The following EGLN1 variants were observed in gnomAD, a reference collection of about 807,000 sequenced individuals.
EGLN1 encodes egl nine homolog 1.
In EGLN1, 17 loss-of-function variants were observed where a neutral mutation model predicts 38.3. That is an observed-to-expected ratio of 0.44 (90% CI 0.30 to 0.67). The LOEUF is 0.67. Among genes scored for constraint, EGLN1 ranks in the 30% least tolerant of loss-of-function variants. The pLI is 0.08. For synonymous variants in EGLN1, 283 were observed against 257.5 expected (o/e 1.10, Z -0.95); for missense variants, 477 against 603.3 (o/e 0.79, Z 2.19).
intron 1 of EGLN1, among the ~76,000 whole-genome samples, chr1:231,383,631 A>G (rs1688126914): frequency 6.6e-6 from 1 of 152,150 alleles, no homozygotes. Flanking sequence ...AAATAGAAAA[A>G]CTGTTGGAAG....
chr1:231,404,122 T>C (rs1475077747), intron 1 of EGLN1, among the ~76,000 whole-genome samples: 6 of 152,114 alleles, frequency 3.9e-5, no homozygotes. Context: ...GTTTTGACTG[T>C]TAAAAATGTT....
rs200793131 is a variant in EGLN1, at chr1:231,420,981, C to T, written c.891+17G>A. On this transcript the variant is annotated intron_variant, in intron 1 of 4. Coordinates refer to ENST00000366641, the MANE Select transcript of EGLN1 (RefSeq NM_022051.3). ...CGAGAAGGGCCTGTCCAGCACAAACCCGCAGCACACACTTACTTTCGTCCG... is the reference window on the plus strand; with the variant it reads ...CGAGAAGGGCCTGTCCAGCACAAACTCGCAGCACACACTTACTTTCGTCCG... The T allele has an allele frequency of 2.5e-6, 4 of 1,613,942 alleles. No homozygotes were observed. In the Admixed American group the frequency reaches 5.0e-5, roughly 20 times the overall value.
At chr1:231,378,475 T>C (rs1285776749) in intron 1 of EGLN1, among the ~76,000 whole-genome samples, 3 of 152,200 alleles carry the variant, frequency 2.0e-5, no homozygotes, top group African/African-American at 7.2e-5. Context: ...TTTTTTACGT[T>C]TTCAGAGACA....
intron 1 of EGLN1, among the ~76,000 whole-genome samples, chr1:231,406,640 G>A (rs1688803692): frequency 6.6e-6 from 1 of 152,084 alleles, no homozygotes; most frequent in Non-Finnish European, 1.5e-5. Flanking sequence ...ACCATAACGT[G>A]ATATGAAATG....
chr1:231,383,417 A>T (rs911978120), intron 1 of EGLN1, among the ~76,000 whole-genome samples: 2 of 152,222 alleles, frequency 1.3e-5, no homozygotes, highest in Non-Finnish European at 2.9e-5. Context: ...ACAGAGTCTT[A>T]CTTACACAAA....
At chr1:231,409,781 TTGAG>T (rs1354070469) in intron 1 of EGLN1, among the ~76,000 whole-genome samples, 1 of 152,222 alleles carries the variant, frequency 6.6e-6, no homozygotes, top group Non-Finnish European at 1.5e-5. Context: ...TGATTATCTG[TTGAG>T]TATTTCTTTA....
In EGLN1 at chr1:231,421,601, T is replaced by C; in HGVS notation, c.288A>G (p.Ala96=). Residue 96 remains alanine, a synonymous_variant, in exon 1 of 5, where the codon GCA becomes GCG. Coordinates refer to ENST00000366641, the MANE Select transcript of EGLN1 (RefSeq NM_022051.3). This position sits in a 1 kb window ranked among gnomAD's most constrained non-coding sequence, Gnocchi z 5.5. The stretch of plus-strand genomic sequence containing the variant: ...CGGAGGCGTTGTCCCGGCGCGCCGC[T>C]GCCTTCCTGGGCTCCCGGGCCCCGG... ...PRAGAREPRK[A]AARRDNASGD... The C allele has an allele frequency of 7.5e-7, 1 of 1,328,270 alleles. No homozygotes were observed. Among genetic ancestry groups the C allele is most frequent in the South Asian group, 2.2e-5 (1 of 46,044 alleles). The allele number at this position is 1,328,270 out of a possible 1,614,324, so 82.3% of individuals were successfully genotyped here.
At chr1:231,390,781 C>T (rs1404417504) in intron 1 of EGLN1, among the ~76,000 whole-genome samples, 6 of 152,202 alleles carry the variant, frequency 3.9e-5, no homozygotes, top group Non-Finnish European at 1.5e-5. Context: ...CCTGTCCTTG[C>T]TCCACTACTT....
intron 1 of EGLN1, among the ~76,000 whole-genome samples, chr1:231,376,886 G>GC (rs1687972250): frequency 6.6e-6 from 1 of 152,150 alleles, no homozygotes; most frequent in Admixed American, 6.5e-5. Flanking sequence ...GCTGAACAAG[G>GC]CAGGAAAGAG....
At chr1:231,401,544 A>G (rs1688664356) in intron 1 of EGLN1, among the ~76,000 whole-genome samples, 1 of 151,926 alleles carries the variant, frequency 6.6e-6, no homozygotes, top group South Asian at 2.1e-4. Flanking sequence ...TTTGTGACAG[A>G]AAAAAATTAC....
chr1:231,417,410 T>C (rs1186477504), intron 1 of EGLN1, among the ~76,000 whole-genome samples: 1 of 152,214 alleles, frequency 6.6e-6, no homozygotes, highest in Non-Finnish European at 1.5e-5. Context: ...TTTTCCTTCA[T>C]AGTGGCGAAG....
intron 1 of EGLN1, among the ~76,000 whole-genome samples, chr1:231,374,318 A>T (rs1687902348): frequency 6.6e-6 from 1 of 152,180 alleles, no homozygotes; most frequent in Admixed American, 6.5e-5. Flanking sequence ...CTTCACAGTG[A>T]TAACTCCAAA....
intron 1 of EGLN1, chr1:231,420,255 CA>C (rs1656529418): frequency 6.6e-6 from 1 of 152,136 alleles, no homozygotes; most frequent in East Asian, 1.9e-4. Flanking sequence ...CAGGAAGTTA[CA>C]AAACAGTTTT....
At chr1:231,386,444 T>C (rs1188339306) in intron 1 of EGLN1, among the ~76,000 whole-genome samples, 1 of 152,240 alleles carries the variant, frequency 6.6e-6, no homozygotes, top group Non-Finnish European at 1.5e-5. Context: ...GATCCAGTCT[T>C]AGAAAATAAT....
chr1:231,385,936 A>G (rs1688193922), intron 1 of EGLN1, among the ~76,000 whole-genome samples: 1 of 152,042 alleles, frequency 6.6e-6, no homozygotes, highest in African/African-American at 2.4e-5. Context: ...ATGCAGCCTC[A>G]GCCTCCTGGG....
chr1:231,366,920 T>C (rs1029521740), intron 4 of EGLN1, among the ~76,000 whole-genome samples: 19 of 152,128 alleles, frequency 1.2e-4, no homozygotes, highest in Non-Finnish European at 1.9e-4. Context: ...TTTTTGGAGA[T>C]AGAAAGTAGA....
At chr1:231,398,856 G>A (rs570045228) in intron 1 of EGLN1, among the ~76,000 whole-genome samples, 2 of 152,158 alleles carry the variant, frequency 1.3e-5, no homozygotes, top group Non-Finnish European at 2.9e-5. Context: ...AGAGGAACCA[G>A]AAACAGACTC....
Position 231,421,672 on chromosome 1 carries a change from G to C in EGLN1, c.217C>G (p.Gln73Glu). 6.7e-7 allele frequency: 1 copy of C among 1,490,370 alleles called. No individual in the cohort carries two copies. The highest frequency in any genetic ancestry group is 8.9e-7 in the Non-Finnish European group (1 of 1,125,934). 92.3% of individuals were successfully genotyped at this position (1,490,370 alleles called of 1,614,324 possible). A position where few individuals can be genotyped will look rare whatever the true frequency, so the allele number is the denominator to read the frequency against. ...GALGHGVGPHQHSGPAPPAAV... is the reference protein window; with the variant it reads ...GALGHGVGPHEHSGPAPPAAV... ...GCCGGCGGCGCGGGGCCGGAATGCTGGTGTGGGCCCACTCCGTGGCCGAGG... is the reference window on the plus strand; with the variant it reads ...GCCGGCGGCGCGGGGCCGGAATGCTCGTGTGGGCCCACTCCGTGGCCGAGG... Residue 73 changes from glutamine (Q) to glutamate (E), a missense_variant, in exon 1 of 5, where the codon CAG becomes GAG. By Grantham distance (29) the Gln-to-Glu change is conservative. Coordinates refer to ENST00000366641, the MANE Select transcript of EGLN1 (RefSeq NM_022051.3). The surrounding 1 kb of genome is among the most constrained non-coding windows in gnomAD (Gnocchi z 5.5).
intron 1 of EGLN1, among the ~76,000 whole-genome samples, chr1:231,393,429 T>C (rs1487763758): frequency 6.6e-6 from 1 of 152,216 alleles, no homozygotes; most frequent in Non-Finnish European, 1.5e-5. Context: ...ATCTAGTTCC[T>C]AATCTTGTTT....
Sources: gnomAD v4.1 joint callset for allele counts (sites outside exome capture counted in the v4.1 genomes callset) on GRCh38, gnomAD v4.1.1 for gene constraint, Gnocchi (gnomAD v3.1) non-coding constraint, MANE v1.5 for transcripts, NCBI Gene and HGNC (gene_info 2026-07-23, HGNC 2026-07-21) for gene names.